LMO4: variants seen among roughly 807,000 people sequenced by gnomAD.
LMO4 encodes the protein LIM domain only 4, also known as LIM domain transcription factor LMO4.
LMO4 carries 3 observed loss-of-function variants against 18.5 expected under a neutral mutation model. That is an observed-to-expected ratio of 0.16 (90% CI 0.07 to 0.42). The LOEUF (loss-of-function observed/expected upper bound fraction) is 0.42. LMO4 is among the 10% of genes least tolerant of loss of function. The pLI is 0.99. For synonymous variants in LMO4, 100 were observed against 88.1 expected (o/e 1.14, Z -0.76); for missense variants, 121 against 219.9 (o/e 0.55, Z 2.84).
At chr1:87,333,912 G>A (rs957591982) in intron 2 of LMO4, among the ~76,000 whole-genome samples, 3 of 149,580 alleles carry the variant, frequency 2.0e-5, no homozygotes, top group East Asian at 3.9e-4. Flanking sequence ...TCCGTGAATG[G>A]TACAGATTCA....
intron 4 of LMO4, among the ~76,000 whole-genome samples, chr1:87,343,292 A>C (rs567088662): frequency 3.1e-4 from 47 of 152,336 alleles, no homozygotes; most frequent in African/African-American, 1.0e-3. Flanking sequence ...TAAATCATAC[A>C]GTGATTGAAA....
chr1:87,334,278 G>C (rs986234130), intron 2 of LMO4, among the ~76,000 whole-genome samples: 7 of 152,186 alleles, frequency 4.6e-5, no homozygotes, highest in African/African-American at 1.7e-4. Flanking sequence ...CTTTCTAGGA[G>C]AGATGAGTTC....
At chr1:87,334,557 C>T (rs942049654) in intron 2 of LMO4, among the ~76,000 whole-genome samples, 4 of 152,216 alleles carry the variant, frequency 2.6e-5, no homozygotes, top group Non-Finnish European at 5.9e-5. Flanking sequence ...TCGCCCGCCG[C>T]CAGGTGAAGG....
chr1:87,348,557 T>G lies in LMO4; in HGVS notation c.*3761T>G. 1 of 397,082 alleles carries G rather than the reference T, an allele frequency of 2.5e-6. No individual in the cohort carries two copies. The highest frequency in any genetic ancestry group is 1.8e-5 in the South Asian group (1 of 54,244). 24.6% of individuals were successfully genotyped at this position (397,082 alleles called of 1,614,324 possible). On this transcript the variant is annotated 3_prime_UTR_variant, in exon 5 of 5. Coordinates refer to ENST00000370544, the MANE Select transcript of LMO4 (RefSeq NM_006769.4). ...CCACTTGCAGAGTCTGAGATCTGACTAGCAGCAAAGTGTAGCACATTCGCC... is the reference window on the plus strand; with the variant it reads ...CCACTTGCAGAGTCTGAGATCTGACGAGCAGCAAAGTGTAGCACATTCGCC...
intron 2 of LMO4, among the ~76,000 whole-genome samples, chr1:87,335,041 G>GCT (rs1650263028): frequency 6.6e-6 from 1 of 151,296 alleles, no homozygotes; most frequent in African/African-American, 2.4e-5. Context: ...GAATGAAGGG[G>GCT]GGGGGGTTGT....
chr1:87,339,286 A>T (rs1313214671), intron 2 of LMO4, among the ~76,000 whole-genome samples: 1 of 151,608 alleles, frequency 6.6e-6, no homozygotes, highest in Non-Finnish European at 1.5e-5. Context: ...ACAGAATTGT[A>T]TTTGCTAGAG....
chr1:87,344,943 C>T lies in LMO4; in HGVS notation c.*147C>T. The T allele has an allele frequency of 2.8e-6, 2 of 714,746 alleles. No homozygotes were observed. The highest frequency in any genetic ancestry group is 1.7e-5 in the South Asian group (1 of 58,956). The allele number at this position is 714,746 out of a possible 1,614,324, so 44.3% of individuals were successfully genotyped here. A position where few individuals can be genotyped will look rare whatever the true frequency, so the allele number is the denominator to read the frequency against. On this transcript the variant is annotated 3_prime_UTR_variant, in exon 5 of 5. Transcript: ENST00000370544. ...TGCACCTTCTTTAGTCTTGATTGCCCTTCCCGCATTTATTGGTGTATTAAA... is the reference window on the plus strand; with the variant it reads ...TGCACCTTCTTTAGTCTTGATTGCCTTTCCCGCATTTATTGGTGTATTAAA...
rs1454527278 is a variant in LMO4, at chr1:87,347,445, C to T, written c.*2649C>T. ...GATTGTGTGCAGTTCCTCCCCCAAT[C>T]TCAACATTGCTTAGGAAAAAAAAAA... On this transcript the variant is annotated 3_prime_UTR_variant, in exon 5 of 5. Transcript: ENST00000370544. The T allele has an allele frequency of 6.6e-6, 1 of 151,932 alleles. No individual in the cohort carries two copies. The highest frequency in any genetic ancestry group is 1.5e-5 in the Non-Finnish European group (1 of 68,006). 9.4% of individuals were successfully genotyped at this position (151,932 alleles called of 1,614,324 possible).
chr1:87,342,768 G>A (rs978584947), intron 4 of LMO4, among the ~76,000 whole-genome samples: 2 of 152,204 alleles, frequency 1.3e-5, no homozygotes, highest in South Asian at 2.1e-4. Context: ...CAAGCTGAAC[G>A]TGGTCCAGAG....
chr1:87,344,668 G>A, intron 4 of LMO4, 120 bp from the exon 5 acceptor site: 2 of 981,676 alleles, frequency 2.0e-6, no homozygotes, highest in Non-Finnish European at 3.2e-6. Flanking sequence ...AGTCACAGTT[G>A]GAAAGTAATC....
intron 2 of LMO4, among the ~76,000 whole-genome samples, chr1:87,338,196 A>C (rs957636017): frequency 6.6e-6 from 1 of 152,190 alleles, no homozygotes; most frequent in Non-Finnish European, 1.5e-5. Context: ...CTTCTGCAAG[A>C]CCAGATTCTG....
intron 4 of LMO4, among the ~76,000 whole-genome samples, chr1:87,343,022 A>G (rs1206487456): frequency 1.4e-4 from 22 of 152,148 alleles, no homozygotes; most frequent in Admixed American, 1.4e-3. Flanking sequence ...TTTTCCTTCT[A>G]TTCGCAGAAT....
intron 4 of LMO4, among the ~76,000 whole-genome samples, chr1:87,343,377 C>T (rs1179526749): frequency 2.0e-5 from 3 of 152,184 alleles, no homozygotes; most frequent in Non-Finnish European, 4.4e-5. Context: ...ACCTATATCA[C>T]TTAAAGGAGG....
intron 4 of LMO4, among the ~76,000 whole-genome samples, chr1:87,344,552 T>G (rs1256519564): frequency 6.6e-6 from 1 of 152,208 alleles, no homozygotes; most frequent in Non-Finnish European, 1.5e-5. Flanking sequence ...CCAGAAACTT[T>G]CTGAGCGTCC....
intron 3 of LMO4, 57 bp downstream of exon 3, chr1:87,339,689 C>A: frequency 9.3e-7 from 1 of 1,079,686 alleles, no homozygotes; most frequent in Non-Finnish European, 1.4e-6. Context: ...TTCCTACCTA[C>A]ATGGGGGCAA....
chr1:87,329,515 G>A (rs1436396905), intron 1 of LMO4, among the ~76,000 whole-genome samples: 1 of 151,930 alleles, frequency 6.6e-6, no homozygotes, highest in African/African-American at 2.4e-5. Context: ...GACCGTAGAG[G>A]GGGTGGGGAT....
rs1426050251 is a variant in LMO4, at chr1:87,347,557, T to A, written c.*2761T>A. The A allele has an allele frequency of 6.6e-6, 1 of 152,184 alleles. No homozygotes were observed. Among genetic ancestry groups the A allele is most frequent in the Non-Finnish European group, 1.5e-5 (1 of 68,020 alleles). The allele number at this position is 152,184 out of a possible 1,614,324, so 9.4% of individuals were successfully genotyped here. Reference sequence around the variant, plus strand: ...GACACTGTTCTTTAGAAAGGACTTATTTAATATTAACCACGTCATAGAGCA... The same window carrying A: ...GACACTGTTCTTTAGAAAGGACTTAATTAATATTAACCACGTCATAGAGCA... On this transcript the variant is annotated 3_prime_UTR_variant, in exon 5 of 5. Transcript: ENST00000370544.
intron 2 of LMO4, among the ~76,000 whole-genome samples, chr1:87,335,568 C>T (rs1381798409): frequency 6.6e-6 from 1 of 151,748 alleles, no homozygotes; most frequent in Non-Finnish European, 1.5e-5. Flanking sequence ...CCGGCGCGGC[C>T]GGGGGTGGGG....
rs1650678284 is a variant in LMO4 at position 87,347,884 on chromosome 1, A to G, written c.*3088A>G. 6.6e-6 allele frequency: 1 copy of G among 152,220 alleles called. No homozygotes were observed. Among genetic ancestry groups the G allele is most frequent in the Non-Finnish European group, 1.5e-5 (1 of 68,040 alleles). The allele number at this position is 152,220 out of a possible 1,614,324, so 9.4% of individuals were successfully genotyped here. A position where few individuals can be genotyped will look rare whatever the true frequency, so the allele number is the denominator to read the frequency against. On this transcript the variant is annotated 3_prime_UTR_variant, in exon 5 of 5. Coordinates refer to ENST00000370544, the MANE Select transcript of LMO4 (RefSeq NM_006769.4). The stretch of plus-strand genomic sequence containing the variant: ...AACTATTTTCAGCTCTTCATGATTT[A>G]TTAGGAAATAGTTTAACCCGGACTG...
Sources: gnomAD v4.1 joint callset for allele counts (sites outside exome capture counted in the v4.1 genomes callset) on GRCh38, gnomAD v4.1.1 for gene constraint, MANE v1.5 for transcripts, NCBI Gene and HGNC (gene_info 2026-07-23, HGNC 2026-07-21) for gene names.